The following MEGF8 variants were observed in gnomAD, a reference collection of about 807,000 sequenced individuals.
The protein encoded by MEGF8 is multiple epidermal growth factor-like domains protein 8.
MEGF8 carries 156 observed loss-of-function variants against 302.9 expected under a neutral mutation model. The observed-to-expected ratio is 0.52, with a 90% confidence interval of 0.45 to 0.59. The LOEUF is 0.59. Among genes scored for constraint, MEGF8 ranks in the 20% least tolerant of loss-of-function variants. MEGF8 has a pLI of 0.00. For synonymous variants in MEGF8, 1,621 were observed against 1,660.5 expected, an observed-to-expected ratio of 0.98 and a Z score of 0.58; for missense variants, 3,345 against 3,964.5, an observed-to-expected ratio of 0.84 and a Z score of 4.20.
Position 42,343,620 on chromosome 19 carries a change from C to G in MEGF8, c.1657C>G (p.Pro553Ala), listed in dbSNP as rs1296394702. 6.2e-7 allele frequency: 1 copy of G among 1,607,782 alleles called. No individual in the cohort carries two copies. Among genetic ancestry groups the G allele is most frequent in the South Asian group, 1.1e-5 (1 of 90,420 alleles). ...YKVPPFVFQA[P>A]APDYHLDYCS... ...GGTGCCCCCCTTTGTGTTCCAGGCACCTGCCCCTGACGTGAGCACTGGGGT... is the reference window on the plus strand; with the variant it reads ...GGTGCCCCCCTTTGTGTTCCAGGCAGCTGCCCCTGACGTGAGCACTGGGGT... Residue 553 changes from proline to alanine, a missense_variant, in exon 9 of 42, where the codon CCT (proline) becomes GCT (alanine). Pro to Ala is a conservative substitution (Grantham distance 27, BLOSUM62 -1). Coordinates refer to ENST00000251268, the MANE Select transcript of MEGF8 (RefSeq NM_001271938.2).
chr19:42,350,501 G>C, intron 15 of MEGF8, 117 bp downstream of exon 15: 1 of 902,792 alleles, frequency 1.1e-6, no homozygotes, highest in Non-Finnish European at 1.6e-6. Context: ...TTTTGGCCTT[G>C]ATCTGCAGAG....
chr19:42,362,023 C>T (rs1382088532), intron 32 of MEGF8, 67 bp from the exon 33 acceptor site: 5 of 1,585,698 alleles, frequency 3.2e-6, no homozygotes, highest in African/African-American at 1.3e-5. Flanking sequence ...GCCTGCAGGA[C>T]AGTGTCTGGG....
At chr19:42,338,825 A>ATTTTTTTTTTTTTTTTTTTTTTTTTT (rs55994617) in intron 8 of MEGF8, among the ~76,000 whole-genome samples, 1 of 47,146 alleles carries the variant, frequency 2.1e-5, no homozygotes, top group Non-Finnish European at 4.5e-5. Context: ...CTTTCTATGT[A>ATTTTTTTTTTTTTTTTTTTTTTTTTT]TTTTTTTTTT....
Position 42,356,792 on chromosome 19 carries a change from GC to G in MEGF8, c.4642del (p.Arg1548GlyfsTer182). The G allele has an allele frequency of 6.4e-7, 1 of 1,553,110 alleles. No individual in the cohort carries two copies. Among genetic ancestry groups the G allele is most frequent in the Non-Finnish European group, 8.7e-7 (1 of 1,148,318 alleles). On this transcript the variant is annotated frameshift_variant, in exon 27 of 42. Coordinates refer to ENST00000251268, the MANE Select transcript of MEGF8 (RefSeq NM_001271938.2). LOFTEE classifies it high-confidence loss of function. The surrounding 1 kb of genome is among the most constrained non-coding windows in gnomAD (Gnocchi z 5.2). ...GCCCCAGGTACTCAGTGAGTGAGCG[GC>G]GGTGGACACAGATGCTGGCGGGAGC... The part of the protein sequence containing the change: ...NLYRYSVSER[R>X]WTQMLAGAED...
chr19:42,367,277 CTT>C lies in MEGF8; in HGVS notation c.6274-1175_6274-1174del, dbSNP rs1491326772. Among the ~76,000 whole-genome samples, 415 of 151,130 alleles carry C rather than the reference CTT, an allele frequency of 2.7e-3. 2 individuals carry two copies. The highest frequency in any genetic ancestry group is 9.8e-3 in the African/African-American group (403 of 41,244). On this transcript the variant is annotated intron_variant, in intron 35 of 41. Coordinates refer to ENST00000251268, the MANE Select transcript of MEGF8 (RefSeq NM_001271938.2). Reference sequence around the variant, plus strand: ...CAGCCACATTTGTTCTTTTTCTTGTCTTTTCTTTCTTTCTTTTTTTTTTTTTT... The same window carrying C: ...CAGCCACATTTGTTCTTTTTCTTGTCTTCTTTCTTTCTTTTTTTTTTTTTT...
At chr19:42,349,825 G>C in intron 14 of MEGF8, 126 bp downstream of exon 14, 2 of 1,013,792 alleles carry the variant, frequency 2.0e-6, no homozygotes, top group Non-Finnish European at 2.9e-6. Flanking sequence ...CTTAACTCTT[G>C]GCCTCTGAAC....
chr19:42,353,241 TC>T lies in MEGF8; in HGVS notation c.3550+118del. On this transcript the variant is annotated intron_variant, in intron 20 of 41. Coordinates refer to ENST00000251268, the MANE Select transcript of MEGF8 (RefSeq NM_001271938.2). The surrounding 1 kb of genome is among the most constrained non-coding windows in gnomAD (Gnocchi z 6.1). ...CAGTGTCCTCTCATGCAGCTCTAGG[TC>T]CCCTGCCCCATTCCTGTTCCTGACT... 1 of 1,103,558 alleles carries T rather than the reference TC, an allele frequency of 9.1e-7. No homozygotes were observed. Among genetic ancestry groups the T allele is most frequent in the Non-Finnish European group, 1.3e-6 (1 of 787,726 alleles). 68.4% of individuals were successfully genotyped at this position (1,103,558 alleles called of 1,614,324 possible).
Position 42,353,512 on chromosome 19 carries a change from G to A in MEGF8, c.3598G>A (p.Gly1200Ser), listed in dbSNP as rs374935528. 5.0e-5 allele frequency: 81 copies of A among 1,610,332 alleles called. 1 individual carries two copies. Among genetic ancestry groups the A allele is most frequent in the South Asian group, 3.6e-4 (33 of 90,622 alleles). The change falls in exon 21 of 42, where the codon GGC becomes AGC. Residue 1200 changes from glycine to serine, a missense_variant. Physicochemically the swap from Gly to Ser is moderately conservative, Grantham distance 56. Transcript: ENST00000251268. The surrounding 1 kb of genome is among the most constrained non-coding windows in gnomAD (Gnocchi z 6.1). ...CGAACGATGCCGGCCCGGCAGCTTC[G>A]GCAACGCCACAGGCTCTAGGGGCTG... Reference protein sequence around the residue: ...HCERCRPGSFGNATGSRGCRP... With the variant: ...HCERCRPGSFSNATGSRGCRP...
chr19:42,332,516 C>T (rs1481006077), intron 1 of MEGF8, among the ~76,000 whole-genome samples: 2 of 152,158 alleles, frequency 1.3e-5, no homozygotes, highest in Non-Finnish European at 2.9e-5. Flanking sequence ...TACAGGCACC[C>T]GCCACCATGC....
chr19:42,356,064 G>C lies in MEGF8; in HGVS notation c.4393-19G>C, dbSNP rs376448595. 78 of 1,591,136 alleles carry C rather than the reference G, an allele frequency of 4.9e-5. No homozygotes were observed. The highest frequency in any genetic ancestry group is 6.4e-5 in the Non-Finnish European group (74 of 1,165,026). On this transcript the variant is annotated intron_variant, in intron 24 of 41. Coordinates refer to ENST00000251268, the MANE Select transcript of MEGF8 (RefSeq NM_001271938.2). The surrounding 1 kb of genome is among the most constrained non-coding windows in gnomAD (Gnocchi z 5.2). ...GGGCTGGTGATCAGGGCTCCCCTGAGTCCCTTGTCATCCCCCAGAGCCTGG... is the reference window on the plus strand; with the variant it reads ...GGGCTGGTGATCAGGGCTCCCCTGACTCCCTTGTCATCCCCCAGAGCCTGG...
At chr19:42,339,819 G>A (rs1036184246) in intron 8 of MEGF8, among the ~76,000 whole-genome samples, 1 of 152,186 alleles carries the variant, frequency 6.6e-6, no homozygotes, top group Non-Finnish European at 1.5e-5. Flanking sequence ...AGCACTTTAG[G>A]ACGCCATGGC....
chr19:42,329,782 A>G (rs1295370907), intron 1 of MEGF8, among the ~76,000 whole-genome samples: 1 of 151,850 alleles, frequency 6.6e-6, no homozygotes, highest in African/African-American at 2.4e-5. Context: ...TGAGGTGGGC[A>G]GATCCCTTGA....
In MEGF8 at chr19:42,351,242, C is replaced by T; in HGVS notation, c.2763C>T (p.Ser921=). 1.3e-6 allele frequency: 2 copies of T among 1,565,468 alleles called. No individual in the cohort carries two copies. Among genetic ancestry groups the T allele is most frequent in the Non-Finnish European group, 1.7e-6 (2 of 1,155,140 alleles). ...ACCCCTTCTGTGAGTGGCATCAGAGCACCAGCCGCAAAGGGGACGCGGCAT... is the reference window on the plus strand; with the variant it reads ...ACCCCTTCTGTGAGTGGCATCAGAGTACCAGCCGCAAAGGGGACGCGGCAT... The part of the protein sequence containing the change: ...TQDPFCEWHQ[S]TSRKGDAACS... Residue 921 remains serine, a synonymous_variant, in exon 16 of 42, where the codon AGC becomes AGT. Coordinates refer to ENST00000251268, the MANE Select transcript of MEGF8 (RefSeq NM_001271938.2). The surrounding 1 kb of genome is among the most constrained non-coding windows in gnomAD (Gnocchi z 5.6).
intron 12 of MEGF8, among the ~76,000 whole-genome samples, chr19:42,346,213 TA>T (rs1427875217): frequency 6.6e-6 from 1 of 152,170 alleles, no homozygotes; most frequent in Non-Finnish European, 1.5e-5. Context: ...TTATTGATTT[TA>T]AAAATAGCTC....
chr19:42,359,808 C>A (rs1408215000), intron 31 of MEGF8, among the ~76,000 whole-genome samples: 1 of 152,034 alleles, frequency 6.6e-6, no homozygotes, highest in Non-Finnish European at 1.5e-5. Flanking sequence ...CCCTCCTCAG[C>A]CTCCCAAGAA....
intron 40 of MEGF8, 59 bp from the exon 41 acceptor site, chr19:42,371,291 T>C: frequency 1.3e-6 from 2 of 1,590,708 alleles, no homozygotes; most frequent in South Asian, 2.3e-5. Context: ...ACATATGGGG[T>C]GTCCATCCTG....
intron 13 of MEGF8, 147 bp downstream of exon 13, chr19:42,348,619 A>G (rs775243044): frequency 1.2e-4 from 93 of 795,418 alleles, no homozygotes; most frequent in Admixed American, 2.4e-4. Context: ...TGTGTGTGTA[A>G]GACAGAGTCT....
Position 42,358,670 on chromosome 19 carries a change from C to A in MEGF8, c.5176-117C>A. ...GGGAGGGCAGGGAGCCCTGTCTGCA[C>A]TGGTTAGAGAGGCTGGTGGTTTCAG... On this transcript the variant is annotated intron_variant, in intron 29 of 41. Transcript: ENST00000251268. This position sits in a 1 kb window ranked among gnomAD's most constrained non-coding sequence, Gnocchi z 4.4. 7.9e-7 allele frequency: 1 copy of A among 1,261,020 alleles called. No individual in the cohort carries two copies. The highest frequency in any genetic ancestry group is 1.1e-6 in the Non-Finnish European group (1 of 932,536). 78.1% of individuals were successfully genotyped at this position (1,261,020 alleles called of 1,614,324 possible). A position where few individuals can be genotyped will look rare whatever the true frequency, so the allele number is the denominator to read the frequency against.
At chr19:42,360,643 C>T in intron 31 of MEGF8, 132 bp from the exon 32 acceptor site, 1 of 1,476,172 alleles carries the variant, frequency 6.8e-7, no homozygotes, top group African/African-American at 1.4e-5. Context: ...CCGCCCTTGG[C>T]CTTGTTTCTG....
Sources: gnomAD v4.1 joint callset for allele counts (sites outside exome capture counted in the v4.1 genomes callset) on GRCh38, gnomAD v4.1.1 for gene constraint, Gnocchi (gnomAD v3.1) non-coding constraint, MANE v1.5 for transcripts, NCBI Gene and HGNC (gene_info 2026-07-23, HGNC 2026-07-21) for gene names.